SNHG17: variants seen among roughly 807,000 people sequenced by gnomAD.
SNHG17 encodes small nucleolar RNA host gene 17 (non-protein coding).
chr20:38,423,923 T>C (rs995352801), intron 5 of SNHG17, among the ~76,000 whole-genome samples: 7 of 152,178 alleles, frequency 4.6e-5, no homozygotes, highest in Admixed American at 2.0e-4. Context: ...ATCCCAGCAC[T>C]TTGGGAGGCT....
rs1390462818 is a variant in SNHG17 at position 38,423,550 on chromosome 20, T to TTA, written n.580-1310_580-1309insTA. 8.2e-4 allele frequency among the ~76,000 whole-genome samples: 103 copies of TTA among 125,042 alleles called. 2 individuals are homozygous for TTA. In the South Asian group the frequency reaches 0.026, roughly 32 times the overall value. The allele number at this position is 125,042 out of a possible 152,430, so 82.0% of individuals were successfully genotyped here. A position where few individuals can be genotyped will look rare whatever the true frequency, so the allele number is the denominator to read the frequency against. On this transcript the variant is annotated intron_variant and non_coding_transcript_variant, in intron 5 of 8. Transcript: ENST00000654008. The stretch of plus-strand genomic sequence containing the variant: ...CATATCTCACTTATGTGTGCAATGT[T>TTA]AAAAAAAAAAAAAAAAGGTCAAGCA...
intron 3 of SNHG17, chr20:38,430,737 C>T (rs532470822): frequency 6.6e-6 from 1 of 152,462 alleles, no homozygotes; most frequent in East Asian, 1.9e-4. Flanking sequence ...TGAATCCAGG[C>T]TTGAATCTGA....
chr20:38,424,293 G>A (rs1600754329), intron 5 of SNHG17, among the ~76,000 whole-genome samples: 1 of 152,138 alleles, frequency 6.6e-6, no homozygotes, highest in African/African-American at 2.4e-5. Flanking sequence ...TGGGGTGGGA[G>A]AGCCCCGCAC....
intron 3 of SNHG17, chr20:38,429,120 G>A (rs972741324): frequency 2.0e-5 from 3 of 152,794 alleles, no homozygotes; most frequent in African/African-American, 4.8e-5. Context: ...CCCAGGCTGA[G>A]TGCAGTGGCA....
chr20:38,435,262 G>A, exon 1 of SNHG17: 1 of 1,231,932 alleles, frequency 8.1e-7, no homozygotes, highest in Non-Finnish European at 1.0e-6. Flanking sequence ...CAAGATGTCT[G>A]CAGATTTCGA....
intron 5 of SNHG17, chr20:38,425,013 C>CT (rs557162150): frequency 2.7e-4 from 84 of 310,646 alleles, no homozygotes; most frequent in Non-Finnish European, 5.0e-4. Flanking sequence ...GAGGTGCCCC[C>CT]ATCCAGCCCC....
chr20:38,429,824 G>T (rs1167963132), intron 3 of SNHG17: 1 of 515,842 alleles, frequency 1.9e-6, no homozygotes, highest in South Asian at 1.4e-5. Flanking sequence ...CAGAGGGCAA[G>T]CCCAGAAAGG....
chr20:38,431,995 T>G, intron 2 of SNHG17: 1 of 985,376 alleles, frequency 1.0e-6, no homozygotes, highest in Non-Finnish European at 1.2e-6. Context: ...AGGACAGACC[T>G]CATAGAACAC....
intron 3 of SNHG17, chr20:38,429,418 C>T (rs11904902): frequency 0.019 from 3,876 of 209,016 alleles, 161 homozygotes; most frequent in African/African-American, 0.088. Context: ...ACAGGTTCAG[C>T]TTGGTGCAGG....
intron 5 of SNHG17, chr20:38,425,322 G>A (rs375885451): frequency 7.7e-6 from 4 of 519,110 alleles, no homozygotes; most frequent in Non-Finnish European, 1.5e-5. Flanking sequence ...GATCACTTTC[G>A]AATACAGGGA....
intron 5 of SNHG17, chr20:38,425,256 C>A (rs545946038): frequency 7.7e-6 from 4 of 519,056 alleles, no homozygotes; most frequent in Non-Finnish European, 1.5e-5. Flanking sequence ...CACGGGGAAG[C>A]GCTTTCATTG....
intron 5 of SNHG17, chr20:38,425,151 C>A (rs777798201): frequency 3.0e-5 from 15 of 504,000 alleles, no homozygotes; most frequent in Non-Finnish European, 5.6e-5. Context: ...GGGTCTGGCA[C>A]GACAACCAGG....
intron 2 of SNHG17, among the ~76,000 whole-genome samples, chr20:38,432,778 C>T (rs1038873514): frequency 1.3e-5 from 2 of 152,238 alleles, no homozygotes; most frequent in African/African-American, 2.4e-5. Context: ...TCTCGGCTCA[C>T]TGCAACCTCC....
chr20:38,433,446 C>A (rs1228305244), intron 2 of SNHG17, among the ~76,000 whole-genome samples: 4 of 152,112 alleles, frequency 2.6e-5, no homozygotes, highest in Admixed American at 2.0e-4. Context: ...GAGTTCAGGA[C>A]CAGCCTGGGC....
At chr20:38,431,874 TG>T in intron 2 of SNHG17, 1 of 353,590 alleles carries the variant, frequency 2.8e-6, no homozygotes, top group Non-Finnish European at 4.0e-6. Context: ...AGGGTAAAAC[TG>T]GGGCCAGCAC....
exon 1 of SNHG17, chr20:38,435,278 G>A (rs1385923976): frequency 1.1e-5 from 13 of 1,231,804 alleles, no homozygotes; most frequent in African/African-American, 1.5e-5. Flanking sequence ...TTCGAGAGAT[G>A]GGGTGCGGTG....
chr20:38,431,958 G>A (rs1401740337), intron 2 of SNHG17: 1 of 975,782 alleles, frequency 1.0e-6, no homozygotes, highest in East Asian at 1.1e-4. Flanking sequence ...ACCCACCCTT[G>A]TGGGACACAA....
chr20:38,432,721 A>C (rs2084359919), intron 2 of SNHG17, among the ~76,000 whole-genome samples: 1 of 152,222 alleles, frequency 6.6e-6, no homozygotes, highest in African/African-American at 2.4e-5. Flanking sequence ...TTGTTGTTTA[A>C]AGACAAGGTC....
At chr20:38,433,138 G>GT (rs2084364966) in intron 2 of SNHG17, among the ~76,000 whole-genome samples, 1 of 151,990 alleles carries the variant, frequency 6.6e-6, no homozygotes, top group South Asian at 2.1e-4. Flanking sequence ...CCACACCTAG[G>GT]TAATTTTTGT....
Sources: allele counts gnomAD v4.1 joint callset (sites outside exome capture counted in the v4.1 genomes callset), GRCh38; gene constraint gnomAD v4.1.1; transcripts MANE v1.5; gene names NCBI Gene and HGNC (gene_info 2026-07-23, HGNC 2026-07-21).